Variants in ZFYVE16 observed in about 807,000 individuals in gnomAD.
ZFYVE16 encodes the protein zinc finger FYVE-type containing 16, also known as zinc finger FYVE domain-containing protein 16.
Under a neutral mutation model 138.1 loss-of-function variants are expected in ZFYVE16, and 89 were observed. The observed-to-expected ratio is 0.64, with a 90% confidence interval of 0.54 to 0.77. The LOEUF is 0.77. Among genes scored for constraint, ZFYVE16 ranks in the 30% least tolerant of loss-of-function variants. The pLI is 0.00. For missense variants in ZFYVE16, 1,793 were observed against 1,786.7 expected (o/e 1.00, Z -0.06); for synonymous variants, 596 against 618.3 (o/e 0.96, Z 0.53).
chr5:80,460,149 CATG>C (rs1752952241), intron 15 of ZFYVE16, among the ~76,000 whole-genome samples: 1 of 152,142 alleles, frequency 6.6e-6, no homozygotes, highest in African/African-American at 2.4e-5. Flanking sequence ...TTTCTCCAAA[CATG>C]ATATTATCAG....
chr5:80,461,189 T>G (rs1032938463), intron 15 of ZFYVE16, among the ~76,000 whole-genome samples: 2 of 152,166 alleles, frequency 1.3e-5, no homozygotes, highest in African/African-American at 4.8e-5. Context: ...GATGCTCAGC[T>G]GCTAAGTATA....
intron 1 of ZFYVE16, among the ~76,000 whole-genome samples, chr5:80,409,065 A>G (rs993724835): frequency 2.6e-5 from 4 of 152,248 alleles, no homozygotes; most frequent in African/African-American, 7.2e-5. Flanking sequence ...ATAAGGAAAA[A>G]TGATCAATCA....
At chr5:80,440,523 T>C (rs1750554197) in intron 5 of ZFYVE16, 1 of 985,318 alleles carries the variant, frequency 1.0e-6, no homozygotes, top group Admixed American at 6.2e-5. Flanking sequence ...CCACACTATT[T>C]GCACATTTTT....
At position 80,449,725 on chromosome 5, in the gene ZFYVE16, T is replaced by A; in HGVS notation, c.3226+12T>A. 6.3e-7 allele frequency: 1 copy of A among 1,577,496 alleles called. No homozygotes were observed. The highest frequency in any genetic ancestry group is 1.2e-5 in the South Asian group (1 of 85,340). ...CAAATTCATATTTTGTAAGTAATAA[T>A]TTATCCTTATTTGCTTAATTGGTAA... On this transcript the variant is annotated intron_variant, in intron 9 of 18. Transcript: ENST00000505560.
intron 1 of ZFYVE16, among the ~76,000 whole-genome samples, chr5:80,413,260 T>C (rs1199182268): frequency 1.3e-5 from 2 of 151,438 alleles, no homozygotes; most frequent in Non-Finnish European, 2.9e-5. Context: ...TCACCTGAGG[T>C]CGGGAGTTCG....
At chr5:80,456,049 C>G (rs1752497261) in intron 12 of ZFYVE16, 1 of 386,232 alleles carries the variant, frequency 2.6e-6, no homozygotes, top group Non-Finnish European at 4.6e-6. Context: ...AATGTAAGAA[C>G]TCTATACAGA....
intron 1 of ZFYVE16, among the ~76,000 whole-genome samples, chr5:80,412,835 G>T (rs534422123): frequency 6.6e-6 from 1 of 151,846 alleles, no homozygotes. Context: ...TATATTTATC[G>T]AAGGGATACC....
intron 5 of ZFYVE16, chr5:80,440,640 G>T: frequency 1.0e-6 from 1 of 964,512 alleles, no homozygotes; most frequent in South Asian, 4.9e-5. Flanking sequence ...ATTCTTGGTG[G>T]TCTTTGAGTT....
intron 2 of ZFYVE16, among the ~76,000 whole-genome samples, chr5:80,428,281 C>G (rs894844355): frequency 2.0e-5 from 3 of 152,150 alleles, no homozygotes; most frequent in Admixed American, 2.0e-4. Context: ...GATGAGGCAG[C>G]AACATTTGCT....
At chr5:80,416,769 C>T (rs963265978) in intron 1 of ZFYVE16, among the ~76,000 whole-genome samples, 3 of 152,010 alleles carry the variant, frequency 2.0e-5, no homozygotes, top group African/African-American at 7.3e-5. Context: ...TAGAAACAGC[C>T]ATTTTTCCAA....
At chr5:80,454,024 A>C (rs924631587) in intron 11 of ZFYVE16, 11 of 152,180 alleles carry the variant, frequency 7.2e-5, no homozygotes, top group Admixed American at 5.2e-4. Context: ...TATAAGGCAA[A>C]AAGCTAGCAG....
rs544498662 is a variant in ZFYVE16, at chr5:80,460,278, T to C, written c.4024+784T>C. ...ATTTATTGGACATGCATGTTGCCTC[T>C]TCTGTGAAATGTCTGCCCATATCTT... On this transcript the variant is annotated intron_variant, in intron 15 of 18. Coordinates refer to ENST00000505560, the MANE Select transcript of ZFYVE16 (RefSeq NM_001284236.3). 1.7e-4 allele frequency among the ~76,000 whole-genome samples: 26 copies of C among 152,298 alleles called. No homozygotes were observed. In the East Asian group the frequency reaches 2.7e-3, roughly 16 times the overall value.
Position 80,456,497 on chromosome 5 carries a change from G to C in ZFYVE16, c.3727G>C (p.Asp1243His), listed in dbSNP as rs1347825755. The change falls in exon 13 of 19, where the codon GAT (aspartate) becomes CAT (histidine). Residue 1243 changes from aspartate (D) to histidine (H), a missense_variant. Physicochemically the swap from Asp to His is moderately conservative, Grantham distance 81 (BLOSUM62 -1). Around this residue, in one of 2 missense-constraint regions of ZFYVE16, gnomAD observed 498 missense variants for 582.4 expected, o/e 0.86. Transcript: ENST00000505560. ...TTACCAGTATACCTTGCATAATATA[G>C]ATCAACTGTTGATTCATATGGAAAT... is the stretch of plus-strand genomic sequence containing the variant. ...RNYQYTLHNI[D>H]QLLIHMEMGK... 7 of 1,612,924 alleles carry C rather than the reference G, an allele frequency of 4.3e-6. No homozygotes were observed. The South Asian group carries it at 7.7e-5, about 18-fold the overall frequency.
rs1755209893 is a variant in ZFYVE16 at position 80,480,137 on chromosome 5, A to G, written c.*2760A>G. On this transcript the variant is annotated 3_prime_UTR_variant, in exon 19 of 19. Coordinates refer to ENST00000505560, the MANE Select transcript of ZFYVE16 (RefSeq NM_001284236.3). ...ATAAGGAAACTAGATTCCAGAGGCAAGAATTACTTGAAGCAATGAAAACAA... is the reference window on the plus strand; with the variant it reads ...ATAAGGAAACTAGATTCCAGAGGCAGGAATTACTTGAAGCAATGAAAACAA... Among the ~76,000 whole-genome samples, 2 of 152,304 alleles carry G rather than the reference A, an allele frequency of 1.3e-5. No individual in the cohort carries two copies. Among genetic ancestry groups the G allele is most frequent in the East Asian group, 3.9e-4 (2 of 5,188 alleles).
At chr5:80,420,046 G>A (rs965800818) in intron 1 of ZFYVE16, among the ~76,000 whole-genome samples, 6 of 150,540 alleles carry the variant, frequency 4.0e-5, no homozygotes, top group African/African-American at 7.3e-5. Flanking sequence ...TCCTGACCTC[G>A]TGATCTGCCC....
chr5:80,409,813 A>G (rs1470433203), intron 1 of ZFYVE16: 2 of 152,202 alleles, frequency 1.3e-5, no homozygotes, highest in African/African-American at 4.8e-5. Flanking sequence ...CAGTTTGAGA[A>G]AGCTGATTTA....
At chr5:80,436,148 T>C (rs919463316) in intron 3 of ZFYVE16, among the ~76,000 whole-genome samples, 2 of 152,176 alleles carry the variant, frequency 1.3e-5, no homozygotes, top group African/African-American at 4.8e-5. Flanking sequence ...CCTTCCTTTC[T>C]TCAAATTTGG....
chr5:80,469,149 C>T (rs1438563596), intron 15 of ZFYVE16, among the ~76,000 whole-genome samples: 6 of 148,122 alleles, frequency 4.1e-5, no homozygotes, highest in African/African-American at 1.0e-4. Flanking sequence ...CTCACCCAGG[C>T]GGGAGTGCAG....
chr5:80,428,176 C>A (rs556414514), intron 2 of ZFYVE16, among the ~76,000 whole-genome samples: 1 of 152,080 alleles, frequency 6.6e-6, no homozygotes, highest in East Asian at 1.9e-4. Flanking sequence ...GGTCCCTGAC[C>A]CCCGAGTAGC....
Sources: gnomAD v4.1 joint callset for allele counts (sites outside exome capture counted in the v4.1 genomes callset) on GRCh38, gnomAD v4.1.1 for gene constraint, gnomAD v4.1.1 regional missense constraint, MANE v1.5 for transcripts, NCBI Gene and HGNC (gene_info 2026-07-23, HGNC 2026-07-21) for gene names.